The following ZNF722 variants were observed in gnomAD, a reference collection of about 807,000 sequenced individuals.
ZNF722 encodes zinc finger protein 722.
the ZNF722 span, chr7:64,015,711 A>C: frequency 6.2e-7 from 1 of 1,613,846 alleles, no homozygotes; most frequent in Non-Finnish European, 8.5e-7. Flanking sequence ...CAATGACCAC[A>C]AGAGAATTCA....
chr7:64,016,626 C>T, the ZNF722 span, among the ~76,000 whole-genome samples: 1 of 152,146 alleles, frequency 6.6e-6, no homozygotes, highest in South Asian at 2.1e-4. Flanking sequence ...ATGGCAATGT[C>T]TTTAAAAAGT....
the ZNF722 span, among the ~76,000 whole-genome samples, chr7:64,008,532 T>G: frequency 8.3e-4 from 127 of 152,312 alleles, no homozygotes; most frequent in Non-Finnish European, 1.2e-3. Flanking sequence ...TTTGTCAGGT[T>G]TGTCAAAGAT....
At chr7:64,015,693 T>A in the ZNF722 span, 1 of 1,613,784 alleles carries the variant, frequency 6.2e-7, no homozygotes, top group Non-Finnish European at 8.5e-7. Flanking sequence ...TAGCGTATCC[T>A]CAACCCTCAA....
the ZNF722 span, among the ~76,000 whole-genome samples, chr7:64,014,813 A>T: frequency 6.6e-6 from 1 of 152,202 alleles, no homozygotes; most frequent in Non-Finnish European, 1.5e-5. Context: ...CATTGTGCTC[A>T]CATGGGGCAC....
At chr7:64,015,804 C>T in the ZNF722 span, 1 of 1,610,744 alleles carries the variant, frequency 6.2e-7, no homozygotes, top group South Asian at 1.1e-5. Context: ...TAAGAGAATT[C>T]ATACTGGAGA....
At chr7:64,015,251 T>TGC in the ZNF722 span, 2 of 1,198,792 alleles carry the variant, frequency 1.7e-6, no homozygotes, top group Non-Finnish European at 2.5e-6. Flanking sequence ...CTCATAAGTG[T>TGC]GTCATAGTCT....
At chr7:64,017,294 G>A in the ZNF722 span, among the ~76,000 whole-genome samples, 28 of 152,238 alleles carry the variant, frequency 1.8e-4, no homozygotes, top group African/African-American at 4.8e-4. Context: ...TGAGGCAGGC[G>A]AATTGCTTGA....
chr7:64,013,320 T>A, the ZNF722 span, among the ~76,000 whole-genome samples: 1 of 152,174 alleles, frequency 6.6e-6, no homozygotes, highest in Non-Finnish European at 1.5e-5. Flanking sequence ...ATGTTATATA[T>A]GCCTATACAT....
chr7:64,003,441 C>T, the ZNF722 span, among the ~76,000 whole-genome samples: 1 of 151,816 alleles, frequency 6.6e-6, no homozygotes, highest in Non-Finnish European at 1.5e-5. Context: ...TTGATATGTC[C>T]AGAGCATCTT....
chr7:64,016,551 C>G, the ZNF722 span, among the ~76,000 whole-genome samples: 1 of 152,104 alleles, frequency 6.6e-6, no homozygotes, highest in African/African-American at 2.4e-5. Context: ...ACGCTTTTAA[C>G]TAGTCTTGAA....
At chr7:64,011,290 T>A in the ZNF722 span, among the ~76,000 whole-genome samples, 1 of 152,176 alleles carries the variant, frequency 6.6e-6, no homozygotes, top group African/African-American at 2.4e-5. Context: ...GATCCCATCA[T>A]ATGATGTTAG....
chr7:64,006,643 G>A, the ZNF722 span, among the ~76,000 whole-genome samples: 3 of 152,032 alleles, frequency 2.0e-5, no homozygotes, highest in Non-Finnish European at 2.9e-5. Flanking sequence ...GCATATTTTT[G>A]AGAAACTCTA....
the ZNF722 span, among the ~76,000 whole-genome samples, chr7:64,016,496 T>G: frequency 6.6e-6 from 1 of 152,186 alleles, no homozygotes; most frequent in Non-Finnish European, 1.5e-5. Context: ...CAATATCTGT[T>G]AATTCATTCT....
chr7:64,005,158 G>A, the ZNF722 span, among the ~76,000 whole-genome samples: 8 of 152,072 alleles, frequency 5.3e-5, no homozygotes, highest in African/African-American at 1.7e-4. Context: ...AATCAGCCAG[G>A]CATGGTGGCT....
the ZNF722 span, chr7:64,015,232 T>C: frequency 1.6e-6 from 2 of 1,223,878 alleles, no homozygotes; most frequent in South Asian, 1.2e-5. Flanking sequence ...CAAAACAAAA[T>C]ATTTCAGACT....
the ZNF722 span, among the ~76,000 whole-genome samples, chr7:64,004,436 A>ATG: frequency 6.1e-5 from 8 of 131,296 alleles, no homozygotes; most frequent in East Asian, 2.3e-4. Context: ...ATATATATAT[A>ATG]TATATATATA....
At chr7:64,007,103 A>G in the ZNF722 span, among the ~76,000 whole-genome samples, 2 of 151,616 alleles carry the variant, frequency 1.3e-5, no homozygotes, top group Non-Finnish European at 2.9e-5. Context: ...GAAAAAATGT[A>G]TAGTGGCCAT....
the ZNF722 span, among the ~76,000 whole-genome samples, chr7:64,004,453 T>TATATAA: frequency 5.9e-5 from 8 of 136,052 alleles, no homozygotes; most frequent in Non-Finnish European, 1.1e-4. Flanking sequence ...TATATATATA[T>TATATAA]ATAAAATTAA....
At chr7:64,003,630 T>C in the ZNF722 span, among the ~76,000 whole-genome samples, 18 of 152,202 alleles carry the variant, frequency 1.2e-4, no homozygotes, top group Non-Finnish European at 1.8e-4. Flanking sequence ...GTTTCAACTA[T>C]TTTTTGTTAT....
Sources: gnomAD v4.1 joint callset for allele counts (sites outside exome capture counted in the v4.1 genomes callset) on GRCh38, gnomAD v4.1.1 for gene constraint, MANE v1.5 for transcripts, NCBI Gene and HGNC (gene_info 2026-07-23, HGNC 2026-07-21) for gene names.